Variants in TMX3 observed in about 807,000 individuals in gnomAD.
TMX3 encodes the protein thioredoxin related transmembrane protein 3.
Under a neutral mutation model 64.4 loss-of-function variants are expected in TMX3, and 40 were observed. The ratio of observed to expected loss-of-function variants is 0.62; its 90% CI spans 0.48 to 0.81. TMX3 has a LOEUF of 0.81. Ranked by LOEUF, TMX3 falls within the 30% of genes least tolerant of loss-of-function variation. The probability of loss-of-function intolerance (pLI) is 0.00; values close to 1 mark genes in which losing one functional copy is unlikely to be tolerated. For synonymous variants in TMX3, 189 were observed against 175.7 expected (o/e 1.08, Z -0.60); for missense variants, 497 against 534.5 (o/e 0.93, Z 0.69).
Position 68,700,445 on chromosome 18 carries a change from T to C in TMX3, c.352A>G (p.Thr118Ala). Residue 118 changes from threonine (T) to alanine (A), a missense_variant, in exon 6 of 16, where the codon ACA (threonine) becomes GCA (alanine). Physicochemically the swap from Thr to Ala is moderately conservative, Grantham distance 58 (BLOSUM62 0). Transcript: ENST00000299608. ...GCAAACTCAATAATATCATCTTTTG[T>C]TCGTGGTCCTCTATAATTATATGCC... ...DLAYNYRGPRTKDDIIEFAHR... is the reference protein window; with the variant it reads ...DLAYNYRGPRAKDDIIEFAHR... 6.3e-7 allele frequency: 1 copy of C among 1,581,426 alleles called. No homozygotes were observed. The highest frequency in any genetic ancestry group is 8.6e-7 in the Non-Finnish European group (1 of 1,165,850).
chr18:68,700,302 C>A, intron 6 of TMX3, 103 bp downstream of exon 6: 1 of 716,348 alleles, frequency 1.4e-6, no homozygotes, highest in South Asian at 2.6e-5. Context: ...TAAATTTTAC[C>A]TAGGTATGTC....
chr18:68,686,925 AGATTT>A (rs1914020748), intron 10 of TMX3: 2 of 984,654 alleles, frequency 2.0e-6, no homozygotes, highest in Non-Finnish European at 2.4e-6. Flanking sequence ...TTTATTAATT[AGATTT>A]AAGAGTAGGC....
chr18:68,712,201 C>G (rs979011821), intron 2 of TMX3, among the ~76,000 whole-genome samples: 6 of 152,166 alleles, frequency 3.9e-5, no homozygotes, highest in African/African-American at 1.4e-4. Context: ...TAAGCGAAAC[C>G]CAGAGACATG....
At position 68,684,598 on chromosome 18, in the gene TMX3, A is replaced by G. The variant is rs1031636374; in HGVS notation, c.737-113T>C. 4 of 846,834 alleles carry G rather than the reference A, an allele frequency of 4.7e-6. No homozygotes were observed. The African/African-American group carries it at 6.7e-5, about 14-fold the overall frequency. The allele number at this position is 846,834 out of a possible 1,614,324, so 52.5% of individuals were successfully genotyped here. A position where few individuals can be genotyped will look rare whatever the true frequency, so the allele number is the denominator to read the frequency against. ...TAAAGTATTTCTAGAATTTAATTCC[A>G]ATCACCCTACATGTTATATCAAATT... is the stretch of plus-strand genomic sequence containing the variant. On this transcript the variant is annotated intron_variant, in intron 10 of 15. Transcript: ENST00000299608.
chr18:68,707,132 T>G (rs1382470272), intron 4 of TMX3, among the ~76,000 whole-genome samples: 1 of 152,096 alleles, frequency 6.6e-6, no homozygotes, highest in African/African-American at 2.4e-5. Context: ...CCTAACATGG[T>G]AAGCACATTA....
intron 3 of TMX3, 42 bp from the exon 4 acceptor site, chr18:68,710,186 A>C (rs2031135541): frequency 6.8e-7 from 1 of 1,471,910 alleles, no homozygotes; most frequent in South Asian, 1.5e-5. Flanking sequence ...AAAGATAACC[A>C]TTAAAATGTT....
chr18:68,687,863 G>T, intron 9 of TMX3, 98 bp from the exon 10 acceptor site: 1 of 758,602 alleles, frequency 1.3e-6, no homozygotes, highest in South Asian at 2.7e-5. Flanking sequence ...GCCTGACAGA[G>T]AATCATACTT....
At chr18:68,681,577 G>A in intron 13 of TMX3, 3 of 985,140 alleles carry the variant, frequency 3.0e-6, no homozygotes, top group Non-Finnish European at 3.6e-6. Context: ...ATGAAGTAAG[G>A]TGATGCTACA....
At chr18:68,706,043 T>C (rs181839596) in intron 4 of TMX3, among the ~76,000 whole-genome samples, 1 of 152,212 alleles carries the variant, frequency 6.6e-6, no homozygotes, top group African/African-American at 2.4e-5. Context: ...TTCTACACTT[T>C]GTGGTTTTCC....
intron 8 of TMX3, among the ~76,000 whole-genome samples, chr18:68,694,171 T>A (rs894583175): frequency 5.3e-4 from 81 of 152,194 alleles, no homozygotes; most frequent in African/African-American, 1.9e-3. Context: ...GGCTGAAACA[T>A]ACCCCCCAGT....
chr18:68,689,373 T>C (rs1914285114), intron 9 of TMX3, among the ~76,000 whole-genome samples: 1 of 151,858 alleles, frequency 6.6e-6, no homozygotes, highest in Non-Finnish European at 1.5e-5. Flanking sequence ...TATGTTTATA[T>C]TTAAACAGAT....
At chr18:68,704,432 TAAAG>T (rs1382025593) in intron 4 of TMX3, among the ~76,000 whole-genome samples, 2 of 152,208 alleles carry the variant, frequency 1.3e-5, no homozygotes, top group South Asian at 4.2e-4. Flanking sequence ...GTAATTCAGA[TAAAG>T]AAACTAAATC....
chr18:68,687,777 G>C lies in TMX3; in HGVS notation c.638-12C>G. On this transcript the variant is annotated splice_polypyrimidine_tract_variant and intron_variant, in intron 9 of 15. Coordinates refer to ENST00000299608, the MANE Select transcript of TMX3 (RefSeq NM_019022.5). ...ACCATCTTCATACTCTTAAAACCAA[G>C]ACAAAGTTGACAAATTACAGTATAA... 6.3e-7 allele frequency: 1 copy of C among 1,580,716 alleles called. No homozygotes were observed. Among genetic ancestry groups the C allele is most frequent in the Non-Finnish European group, 8.6e-7 (1 of 1,159,850 alleles).
rs748138895 is a variant in TMX3, at chr18:68,713,878, G to A, written c.69C>T (p.Val23=). The A allele has an allele frequency of 3.2e-6, 5 of 1,578,412 alleles. No individual in the cohort carries two copies. In the Admixed American group the frequency reaches 8.6e-5, roughly 27 times the overall value. The change falls in exon 2 of 16, where the codon GTC becomes GTT. Residue 23 remains valine (V), a synonymous_variant. Transcript: ENST00000299608. ...CTAAATCTTCTACAAATCCTTTACAGACGACCATATCAAGTACAACAACTG... is the reference window on the plus strand; with the variant it reads ...CTAAATCTTCTACAAATCCTTTACAAACGACCATATCAAGTACAACAACTG... ...CATVVVLDMV[V]CKGFVEDLDE...
intron 3 of TMX3, 125 bp from the exon 4 acceptor site, chr18:68,710,269 A>G (rs1568205863): frequency 1.1e-6 from 1 of 917,512 alleles, no homozygotes; most frequent in Non-Finnish European, 1.5e-6. Context: ...GTTTTAGACA[A>G]GAAGTTTAAA....
chr18:68,687,297 C>G, intron 10 of TMX3: 1 of 985,346 alleles, frequency 1.0e-6, no homozygotes, highest in Non-Finnish European at 1.2e-6. Context: ...TACATTTTTC[C>G]CTTTCACAGG....
chr18:68,677,080 T>G lies in TMX3; in HGVS notation c.1218A>C (p.Ile406=). 6.2e-7 allele frequency: 1 copy of G among 1,613,858 alleles called. No individual in the cohort carries two copies. Among genetic ancestry groups the G allele is most frequent in the Non-Finnish European group, 8.5e-7 (1 of 1,179,792 alleles). ...TTTTAGACACTTCATATCGTTCTTC[T>G]ATATAACCTCCATCTGTGTCGGCTG... ...IYTADTDGGY[I]EERYEVSKSE... The change falls in exon 16 of 16, where the codon ATA becomes ATC. Residue 406 remains isoleucine (I), a synonymous_variant. Transcript: ENST00000299608.
rs2030097320 is a variant in TMX3 at position 68,701,733 on chromosome 18, C to T, written c.311+12G>A. Reference sequence around the variant, plus strand: ...TAAAAATACACATATAAACATACAACACTCAACTTACAGCTTAATTGTTGG... The same window carrying T: ...TAAAAATACACATATAAACATACAATACTCAACTTACAGCTTAATTGTTGG... On this transcript the variant is annotated intron_variant, in intron 5 of 15. Transcript: ENST00000299608. 1.9e-6 allele frequency: 3 copies of T among 1,611,690 alleles called. No homozygotes were observed. The African/African-American group carries it at 4.0e-5, about 22-fold the overall frequency.
chr18:68,681,103 T>C lies in TMX3; in HGVS notation c.913A>G (p.Thr305Ala), dbSNP rs1480982441. ...YINTLLMDELTVPTVVVLNTS... is the reference protein window; with the variant it reads ...YINTLLMDELAVPTVVVLNTS... ...TTCAGTACAACTACAGTTGGGACTG[T>C]CAATTCACTGAAAATATAAAAACAA... Residue 305 changes from threonine (T) to alanine (A), a missense_variant, in exon 14 of 16, where the codon ACA becomes GCA. Thr to Ala is a moderately conservative substitution (Grantham distance 58). Transcript: ENST00000299608. 6.4e-7 allele frequency: 1 copy of C among 1,555,260 alleles called. No individual in the cohort carries two copies. Among genetic ancestry groups the C allele is most frequent in the African/African-American group, 1.4e-5 (1 of 72,782 alleles).
Sources: gnomAD v4.1 joint callset for allele counts (sites outside exome capture counted in the v4.1 genomes callset) on GRCh38, gnomAD v4.1.1 for gene constraint, MANE v1.5 for transcripts, NCBI Gene and HGNC (gene_info 2026-07-23, HGNC 2026-07-21) for gene names.